Variants in LYST observed in about 807,000 individuals in gnomAD.
The protein encoded by LYST is lysosomal-trafficking regulator.
LYST carries 192 observed loss-of-function variants against 413.6 expected under a neutral mutation model. That is an observed-to-expected ratio of 0.46 (90% CI 0.41 to 0.52). The LOEUF (loss-of-function observed/expected upper bound fraction) is 0.52. Among genes scored for constraint, LYST ranks in the 20% least tolerant of loss-of-function variants. The pLI is 0.00. For missense variants in LYST, 3,815 were observed against 4,499.9 expected, an observed-to-expected ratio of 0.85 and a Z score of 4.35; for synonymous variants, 1,525 against 1,567.3, an observed-to-expected ratio of 0.97 and a Z score of 0.64.
chr1:235,751,226 C>T lies in LYST; in HGVS notation c.7764G>A (p.Lys2588=), dbSNP rs1426963910. The T allele has an allele frequency of 6.2e-7, 1 of 1,613,764 alleles. No individual in the cohort carries two copies. The highest frequency in any genetic ancestry group is 2.2e-5 in the East Asian group (1 of 44,872). ...PSAPHHAVVQ[K]RKSIAGPRKF... Reference sequence around the variant, plus strand: ...AATACTCGCCAGCAATGCTTTTCCGCTTTTGAACTACTGCATGATGGGGAG... The same window carrying T: ...AATACTCGCCAGCAATGCTTTTCCGTTTTTGAACTACTGCATGATGGGGAG... The change falls in exon 28 of 53, where the codon AAG becomes AAA. Residue 2588 remains lysine (K), a synonymous_variant. Coordinates refer to ENST00000389793, the MANE Select transcript of LYST (RefSeq NM_000081.4).
chr1:235,673,676 C>T (rs180734733), intron 50 of LYST, among the ~76,000 whole-genome samples: 2 of 152,212 alleles, frequency 1.3e-5, no homozygotes, highest in East Asian at 1.9e-4. Flanking sequence ...GAGAAAATGC[C>T]GTTAGAAAGG....
exon 1 of LYST, chr1:235,883,327 C>T (rs1238430381): frequency 6.6e-6 from 1 of 152,610 alleles, no homozygotes; most frequent in Non-Finnish European, 1.5e-5. Flanking sequence ...GCAGTTAGAT[C>T]CTGGCTTCTG....
At chr1:235,705,526 C>T (rs1050348268) in intron 44 of LYST, among the ~76,000 whole-genome samples, 4 of 151,970 alleles carry the variant, frequency 2.6e-5, no homozygotes, top group Admixed American at 6.6e-5. Context: ...GCTAAGATTA[C>T]AGGAGTGTGC....
At chr1:235,721,628 G>C (rs556163847) in intron 39 of LYST, among the ~76,000 whole-genome samples, 2 of 152,126 alleles carry the variant, frequency 1.3e-5, no homozygotes, top group Non-Finnish European at 2.9e-5. Flanking sequence ...ATGAGAGAGT[G>C]AACTTAATGA....
intron 10 of LYST, among the ~76,000 whole-genome samples, chr1:235,794,944 C>T (rs1671400271): frequency 6.6e-6 from 1 of 151,604 alleles, no homozygotes; most frequent in Admixed American, 6.6e-5. Context: ...CATTAAAGTA[C>T]AGAATTATAA....
chr1:235,791,263 C>T (rs1305347067), intron 12 of LYST, among the ~76,000 whole-genome samples: 2 of 150,972 alleles, frequency 1.3e-5, no homozygotes, highest in Non-Finnish European at 3.0e-5. Flanking sequence ...GCCTGGGCAA[C>T]AAGAGTGAAA....
intron 14 of LYST, among the ~76,000 whole-genome samples, chr1:235,783,910 C>T (rs762394778): frequency 2.0e-5 from 3 of 150,814 alleles, no homozygotes; most frequent in East Asian, 1.9e-4. Context: ...GACAGGGTCT[C>T]GCTCTGTCAC....
chr1:235,748,363 C>T (rs1572138670), intron 28 of LYST, among the ~76,000 whole-genome samples: 1 of 151,854 alleles, frequency 6.6e-6, no homozygotes, highest in East Asian at 1.9e-4. Context: ...ATATTGCTAC[C>T]TTATTTATAA....
In LYST at chr1:235,694,334, T is replaced by TA. The variant is rs527287814; in HGVS notation, c.10565-849dup. Among the ~76,000 whole-genome samples the TA allele has an allele frequency of 9.9e-5, 15 of 152,240 alleles. No homozygotes were observed. The South Asian group carries it at 3.1e-3, about 32-fold the overall frequency. On this transcript the variant is annotated intron_variant, in intron 46 of 52. Coordinates refer to ENST00000389793, the MANE Select transcript of LYST (RefSeq NM_000081.4). Reference sequence around the variant, plus strand: ...CCAGCCCTCTCTCTTTTTTACAACATAGTATGATGTTCTCTTGGCATAAAA... The same window carrying TA: ...CCAGCCCTCTCTCTTTTTTACAACATAAGTATGATGTTCTCTTGGCATAAAA...
intron 47 of LYST, among the ~76,000 whole-genome samples, chr1:235,689,161 G>A (rs764470376): frequency 6.6e-6 from 1 of 151,956 alleles, no homozygotes; most frequent in Non-Finnish European, 1.5e-5. Flanking sequence ...ATCCAGTTTA[G>A]TCATTTGACT....
chr1:235,720,031 T>C (rs972166433), intron 40 of LYST, among the ~76,000 whole-genome samples: 6 of 151,182 alleles, frequency 4.0e-5, no homozygotes, highest in Non-Finnish European at 7.4e-5. Context: ...CAAAAATTAG[T>C]TGGGCATGGT....
chr1:235,843,184 T>C (rs1558329720), intron 1 of LYST, among the ~76,000 whole-genome samples: 3 of 152,114 alleles, frequency 2.0e-5, no homozygotes, highest in South Asian at 2.1e-4. Flanking sequence ...GCCACAGTGA[T>C]AAGAAGGGAA....
intron 31 of LYST, chr1:235,738,786 A>G (rs1474894631): frequency 1.0e-6 from 1 of 1,002,964 alleles, no homozygotes. Context: ...GGCAGAAAGT[A>G]TAATGAAGAA....
intron 1 of LYST, among the ~76,000 whole-genome samples, chr1:235,846,956 G>C (rs1677955066): frequency 6.6e-6 from 1 of 152,084 alleles, no homozygotes; most frequent in South Asian, 2.1e-4. Context: ...AACATATCTG[G>C]GTGGATAATT....
intron 1 of LYST, among the ~76,000 whole-genome samples, chr1:235,840,584 AT>A (rs1677099731): frequency 6.6e-6 from 1 of 152,196 alleles, no homozygotes; most frequent in Admixed American, 6.5e-5. Context: ...AAACATCGGT[AT>A]TTTTAACAAG....
At position 235,733,850 on chromosome 1, in the gene LYST, T is replaced by C; in HGVS notation, c.8592A>G (p.Thr2864=). The C allele has an allele frequency of 6.2e-7, 1 of 1,603,464 alleles. No individual in the cohort carries two copies. Among genetic ancestry groups the C allele is most frequent in the Non-Finnish European group, 8.5e-7 (1 of 1,170,430 alleles). ...EGVNKAAWQK[T]VNNNQQSLFQ... is the part of the protein sequence containing the mutation. ...CTTACCTTTGTTGATTATTGTTAAC[T>C]GTTTTCTGCCAAGCAGCTTTATTCA... Residue 2864 remains threonine, a synonymous_variant, in exon 33 of 53, where the codon ACA becomes ACG. Coordinates refer to ENST00000389793, the MANE Select transcript of LYST (RefSeq NM_000081.4).
At chr1:235,679,119 A>ACTGC (rs1467420180) in intron 48 of LYST, among the ~76,000 whole-genome samples, 1 of 152,190 alleles carries the variant, frequency 6.6e-6, no homozygotes, top group Non-Finnish European at 1.5e-5. Flanking sequence ...CTGTGTAGCA[A>ACTGC]CTGCCTGTTT....
At chr1:235,878,559 C>T (rs1019138606) in intron 1 of LYST, among the ~76,000 whole-genome samples, 1 of 152,124 alleles carries the variant, frequency 6.6e-6, no homozygotes, top group African/African-American at 2.4e-5. Context: ...AAGCACCAGC[C>T]AAGATTTTGA....
intron 28 of LYST, among the ~76,000 whole-genome samples, chr1:235,749,936 TAATTAACTAA>T (rs1381258308): frequency 6.6e-6 from 1 of 152,140 alleles, no homozygotes; most frequent in Non-Finnish European, 1.5e-5. Context: ...CACAAGGTGA[TAATTAACTAA>T]AACCAGAGAT....
Sources: gnomAD v4.1 joint callset for allele counts (sites outside exome capture counted in the v4.1 genomes callset) on GRCh38, gnomAD v4.1.1 for gene constraint, MANE v1.5 for transcripts, NCBI Gene and HGNC (gene_info 2026-07-23, HGNC 2026-07-21) for gene names.